Variants in SNX8 observed in about 807,000 individuals in gnomAD.
The protein encoded by SNX8 is sorting nexin-8.
SNX8 carries 25 observed loss-of-function variants against 51.6 expected under a neutral mutation model. That is an observed-to-expected ratio of 0.48 (90% CI 0.35 to 0.68). The LOEUF is 0.68. Ranked by LOEUF, SNX8 falls within the 30% of genes least tolerant of loss-of-function variation. SNX8 has a pLI of 0.00. For synonymous variants in SNX8, 324 were observed against 277.0 expected, an observed-to-expected ratio of 1.17 and a Z score of -1.68; for missense variants, 695 against 624.0, an observed-to-expected ratio of 1.11 and a Z score of -1.21.
chr7:2,317,604 C>T (rs1796777713), upstream of SNX8, among the ~76,000 whole-genome samples: 1 of 151,940 alleles, frequency 6.6e-6, no homozygotes, highest in East Asian at 1.9e-4. Context: ...GCTGATGTCA[C>T]ACAATGTCCG....
chr7:2,300,570 G>T (rs1016283992), intron 1 of SNX8, among the ~76,000 whole-genome samples: 4 of 151,950 alleles, frequency 2.6e-5, no homozygotes, highest in African/African-American at 9.7e-5. Flanking sequence ...GTACCACCAT[G>T]CCTGGCTAAT....
At chr7:2,290,687 G>C (rs992510254) in intron 1 of SNX8, among the ~76,000 whole-genome samples, 2 of 152,180 alleles carry the variant, frequency 1.3e-5, no homozygotes, top group Non-Finnish European at 2.9e-5. Flanking sequence ...CACCTGTGAG[G>C]TCTCATGGTG....
At chr7:2,297,545 C>T (rs1215503546) in intron 1 of SNX8, among the ~76,000 whole-genome samples, 5 of 75,992 alleles carry the variant, frequency 6.6e-5, no homozygotes, top group South Asian at 4.2e-4. Flanking sequence ...AGCAAAACCC[C>T]GCCGCAAAAA....
At chr7:2,302,739 C>A (rs537215389) in intron 1 of SNX8, among the ~76,000 whole-genome samples, 1 of 151,096 alleles carries the variant, frequency 6.6e-6, no homozygotes, top group African/African-American at 2.4e-5. Flanking sequence ...ATGTGGGGAG[C>A]GCCTCTGCCC....
intron 1 of SNX8, among the ~76,000 whole-genome samples, chr7:2,314,035 G>C (rs968987333): frequency 3.9e-5 from 6 of 152,358 alleles, no homozygotes; most frequent in African/African-American, 4.8e-5. Flanking sequence ...GCCTCTGAGA[G>C]CCCCGGGAAA....
intron 1 of SNX8, among the ~76,000 whole-genome samples, chr7:2,335,689 G>C (rs932545597): frequency 9.9e-5 from 15 of 151,582 alleles, no homozygotes; most frequent in African/African-American, 3.4e-4. Flanking sequence ...TGTAGTCCCA[G>C]CCACTTGGGA....
chr7:2,263,633 G>T (rs1795391615), intron 6 of SNX8, among the ~76,000 whole-genome samples: 1 of 152,190 alleles, frequency 6.6e-6, no homozygotes, highest in South Asian at 2.1e-4. Flanking sequence ...GCTGGGGCAA[G>T]CAGAGTCCCG....
chr7:2,346,781 A>G (rs1779038219), intron 1 of SNX8, among the ~76,000 whole-genome samples: 1 of 148,982 alleles, frequency 6.7e-6, no homozygotes, highest in Admixed American at 6.8e-5. Flanking sequence ...TTAGCCAAGT[A>G]TGGTGGCTCA....
intron 3 of SNX8, among the ~76,000 whole-genome samples, chr7:2,274,444 C>T (rs578160290): frequency 2.6e-5 from 4 of 152,332 alleles, no homozygotes; most frequent in African/African-American, 9.6e-5. Flanking sequence ...ATTTGAGGAA[C>T]GGGCTGAGGG....
In SNX8 at chr7:2,305,414, A is replaced by G. The variant is rs1052312068; in HGVS notation, c.94+8914T>C. 2.0e-5 allele frequency among the ~76,000 whole-genome samples: 3 copies of G among 152,134 alleles called. No homozygotes were observed. The South Asian group carries it at 6.2e-4, about 32-fold the overall frequency. The stretch of plus-strand genomic sequence containing the variant: ...AGTCTTGCTCTGTTGCCCAGGCTTG[A>G]GTGCAGTGGTGCAATCTCAGCTCAC... On this transcript the variant is annotated intron_variant, in intron 1 of 10. Transcript: ENST00000222990.
At chr7:2,285,635 C>T (rs377473920) in intron 1 of SNX8, among the ~76,000 whole-genome samples, 8 of 152,050 alleles carry the variant, frequency 5.3e-5, no homozygotes, top group East Asian at 1.9e-4. Context: ...CTAACTACTG[C>T]GCTAACTGCC....
intron 1 of SNX8, among the ~76,000 whole-genome samples, chr7:2,289,637 C>A (rs1796107349): frequency 6.6e-6 from 1 of 151,996 alleles, no homozygotes; most frequent in South Asian, 2.1e-4. Context: ...TTTTTTAATG[C>A]GGTGAGGATA....
chr7:2,257,619 C>G (rs1795222938), intron 8 of SNX8, 105 bp from the exon 9 acceptor site: 1 of 1,560,308 alleles, frequency 6.4e-7, no homozygotes, highest in African/African-American at 1.4e-5. Context: ...GCCCCGTCTT[C>G]CCCTGCAGCC....
intron 5 of SNX8, among the ~76,000 whole-genome samples, chr7:2,267,145 C>A (rs1056285677): frequency 6.6e-6 from 1 of 152,168 alleles, no homozygotes; most frequent in African/African-American, 2.4e-5. Context: ...AGCCCTGTGT[C>A]GGAGCAACTG....
intron 1 of SNX8, among the ~76,000 whole-genome samples, chr7:2,323,147 C>T (rs528305403): frequency 2.0e-5 from 3 of 152,064 alleles, no homozygotes; most frequent in East Asian, 1.9e-4. Flanking sequence ...CCGGCCAATA[C>T]GGTGAAACCC....
intron 1 of SNX8, among the ~76,000 whole-genome samples, chr7:2,321,081 G>A (rs967633862): frequency 1.3e-5 from 2 of 151,722 alleles, no homozygotes; most frequent in African/African-American, 4.8e-5. Flanking sequence ...CCGGTGGGAG[G>A]CACTGCAGGG....
At chr7:2,272,812 T>C (rs553290130) in intron 3 of SNX8, among the ~76,000 whole-genome samples, 1 of 152,118 alleles carries the variant, frequency 6.6e-6, no homozygotes, top group South Asian at 2.1e-4. Flanking sequence ...GACATTTCAA[T>C]CTGAACACAA....
chr7:2,293,018 C>A (rs1796188808), intron 1 of SNX8, among the ~76,000 whole-genome samples: 1 of 151,612 alleles, frequency 6.6e-6, no homozygotes, highest in Non-Finnish European at 1.5e-5. Context: ...AGACCTTATA[C>A]CTAAAAATAA....
intron 1 of SNX8, among the ~76,000 whole-genome samples, chr7:2,312,944 C>T (rs570506618): frequency 6.6e-6 from 1 of 152,234 alleles, no homozygotes; most frequent in Admixed American, 6.5e-5. Flanking sequence ...GTCGCCCAGG[C>T]TGGAGTGCAG....
Sources: gnomAD v4.1 joint callset for allele counts (sites outside exome capture counted in the v4.1 genomes callset) on GRCh38, gnomAD v4.1.1 for gene constraint, MANE v1.5 for transcripts, NCBI Gene and HGNC (gene_info 2026-07-23, HGNC 2026-07-21) for gene names.